Variants in POMZP3 observed in about 807,000 individuals in gnomAD.
POMZP3 encodes the protein POM121 and ZP3 fusion.
POMZP3 carries 10 observed loss-of-function variants against 19.8 expected under a neutral mutation model. That is an observed-to-expected ratio of 0.51 (90% CI 0.31 to 0.86). POMZP3 has a LOEUF of 0.86. Among genes scored for constraint, POMZP3 ranks in the 40% least tolerant of loss-of-function variants. The pLI is 0.04. For synonymous variants in POMZP3, 57 were observed against 85.8 expected, an observed-to-expected ratio of 0.66 and a Z score of 1.85; for missense variants, 152 against 228.1, an observed-to-expected ratio of 0.67 and a Z score of 2.15.
At chr7:76,621,393 G>C (rs1374862034) in intron 3 of POMZP3, 1 of 145,244 alleles carries the variant, frequency 6.9e-6, no homozygotes, top group African/African-American at 2.6e-5. Context: ...CTGGGGGCTG[G>C]TTCTACATCA....
intron 3 of POMZP3, among the ~76,000 whole-genome samples, chr7:76,622,306 G>C (rs1343204337): frequency 6.6e-6 from 1 of 150,964 alleles, no homozygotes; most frequent in Non-Finnish European, 1.5e-5. Flanking sequence ...TCTTTCTTGC[G>C]TGAGATCCAA....
rs544270007 is a variant in POMZP3 at position 76,626,193 on chromosome 7, G to T, written c.-129C>A. The T allele has an allele frequency of 5.1e-5, 80 of 1,568,318 alleles. 1 individual carries two copies. Among genetic ancestry groups the T allele is most frequent in the African/African-American group, 3.3e-4 (24 of 73,670 alleles). The stretch of plus-strand genomic sequence containing the variant: ...CGTCTTCGAGGTGTTATTACAAACC[G>T]ATCTGGTAAAGTCCCACGATCCCTG... On this transcript the variant is annotated 5_prime_UTR_variant, in exon 2 of 7. Transcript: ENST00000310842.
chr7:76,626,357 G>A, intron 1 of POMZP3, 142 bp from the exon 2 acceptor site: 1 of 815,734 alleles, frequency 1.2e-6, no homozygotes, highest in Admixed American at 2.8e-5. Flanking sequence ...TGTTTTTATG[G>A]CAACTTTCCC....
Position 76,627,223 on chromosome 7 carries a change from T to C in POMZP3, c.-667A>G, listed in dbSNP as rs1379801781. 2.4e-3 allele frequency: 3,431 copies of C among 1,416,020 alleles called. 89 individuals are homozygous for C. The African/African-American group carries it at 0.043, about 18-fold the overall frequency. The allele number at this position is 1,416,020 out of a possible 1,614,324, so 87.7% of individuals were successfully genotyped here. ...TCGCTATCGGCCGCCGCCGCTCGCC[T>C]GCTCCAGCCGCCGCAGCCGCCGGAG... On this transcript the variant is annotated 5_prime_UTR_variant, in exon 1 of 7. Transcript: ENST00000310842.
At chr7:76,612,627 TC>T (rs1815153341) in intron 4 of POMZP3, among the ~76,000 whole-genome samples, 1 of 70,544 alleles carries the variant, frequency 1.4e-5, no homozygotes, top group African/African-American at 8.3e-5. Flanking sequence ...GTGCCAGCTA[TC>T]CGTGCCTGGC....
In POMZP3 at chr7:76,625,592, C is replaced by T. The variant is rs765617237; in HGVS notation, c.157G>A (p.Glu53Lys). 1 of 1,613,646 alleles carries T rather than the reference C, an allele frequency of 6.2e-7. No individual in the cohort carries two copies. The highest frequency in any genetic ancestry group is 2.2e-5 in the East Asian group (1 of 44,842). ...TCCACTGTCCTTTTCTTCTTCTTCT[C>T]TTTGAGGGCACTCAGTACAGTCTCC... ...AKETVLSALK[E>K]KKKKRTVEEE... The change falls in exon 3 of 7, where the codon GAG (glutamate) becomes AAG (lysine). Residue 53 changes from glutamate to lysine, a missense_variant. By Grantham distance (56) the Glu-to-Lys change is moderately conservative (BLOSUM62 1). Transcript: ENST00000310842.
At chr7:76,624,614 T>C (rs1815758016) in intron 3 of POMZP3, among the ~76,000 whole-genome samples, 1 of 150,312 alleles carries the variant, frequency 6.7e-6, no homozygotes, top group Non-Finnish European at 1.5e-5. Context: ...TCCAGCTAAT[T>C]TTTGTATTTT....
chr7:76,625,487 G>C, intron 3 of POMZP3, 35 bp downstream of exon 3: 1 of 1,604,176 alleles, frequency 6.2e-7, no homozygotes, highest in Non-Finnish European at 8.5e-7. Flanking sequence ...GAGTCCAAGC[G>C]GGAAACTGGC....
chr7:76,610,480 C>G (rs1390377855), intron 6 of POMZP3, among the ~76,000 whole-genome samples: 3 of 151,752 alleles, frequency 2.0e-5, no homozygotes, highest in Admixed American at 2.0e-4. Flanking sequence ...CGGCAAGACC[C>G]GTCTCTACTG....
At position 76,611,504 on chromosome 7, in the gene POMZP3, A is replaced by C. The variant is rs1815101505; in HGVS notation, c.525T>G (p.Pro175=). ...CGTPSHSRRQ[P]RVVSQWSTSA... ...ACGTGGACCACTGGCTCACGACACG[A>C]GGCTGCCTCCTGGAATGGCTTGGAG... The change falls in exon 6 of 7, where the codon CCT becomes CCG. Residue 175 remains proline (P), a synonymous_variant. Transcript: ENST00000310842. The C allele has an allele frequency of 2.5e-6, 4 of 1,604,866 alleles. No homozygotes were observed. Among genetic ancestry groups the C allele is most frequent in the Non-Finnish European group, 3.4e-6 (4 of 1,172,448 alleles).
chr7:76,622,670 C>G (rs1815635468), intron 3 of POMZP3, among the ~76,000 whole-genome samples: 1 of 150,922 alleles, frequency 6.6e-6, no homozygotes, highest in South Asian at 2.1e-4. Context: ...GGCCCATTCT[C>G]AAGTTTTGTT....
In POMZP3 at chr7:76,626,130, C is replaced by G. The variant is rs369559926; in HGVS notation, c.-66G>C. 553 of 1,611,962 alleles carry G rather than the reference C, an allele frequency of 3.4e-4. 4 individuals carry two copies. In the African/African-American group the frequency reaches 6.8e-3, roughly 20 times the overall value. Reference sequence around the variant, plus strand: ...CCATTCCAGCACACTGTGGGAAGTACCCCCGGACAGGAATACTGGGCCTGA... The same window carrying G: ...CCATTCCAGCACACTGTGGGAAGTAGCCCCGGACAGGAATACTGGGCCTGA... On this transcript the variant is annotated 5_prime_UTR_variant, in exon 2 of 7. Coordinates refer to ENST00000310842, the MANE Select transcript of POMZP3 (RefSeq NM_012230.5).
intron 3 of POMZP3, chr7:76,618,724 C>T (rs149991875): frequency 0.013 from 2,295 of 170,288 alleles, 116 homozygotes; most frequent in East Asian, 0.13. Flanking sequence ...GGCTTACAGA[C>T]GAAGAAAGTT....
At chr7:76,612,910 GGTTTTTTTTTT>G (rs1324481542) in intron 4 of POMZP3, among the ~76,000 whole-genome samples, 1 of 79,926 alleles carries the variant, frequency 1.3e-5, no homozygotes, top group African/African-American at 6.8e-5. Flanking sequence ...AGACTTAAGA[GGTTTTTTTTTT>G]GTTTTTTTTT....
Position 76,626,055 on chromosome 7 carries a change from T to TCCATCCTGGAGTTGCGAGGGG in POMZP3, c.9_10insCCCCTCGCAACTCCAGGATGG (p.Cys3_Ser4insProLeuAlaThrProGlyTrp). On this transcript the variant is annotated inframe_insertion, in exon 2 of 7. Transcript: ENST00000310842. ...GGGGCGATCCTCAGAGTCACTGGGC[T>TCCATCCTGGAGTTGCGAGGGG]ACACACCATCCTGGAGTTGCGAGGG... 1 of 1,613,726 alleles carries TCCATCCTGGAGTTGCGAGGGG rather than the reference T, an allele frequency of 6.2e-7. No homozygotes were observed. Among genetic ancestry groups the TCCATCCTGGAGTTGCGAGGGG allele is most frequent in the African/African-American group, 1.3e-5 (1 of 74,928 alleles).
intron 6 of POMZP3, among the ~76,000 whole-genome samples, 189 bp from the exon 7 acceptor site, chr7:76,610,404 A>G (rs1310127848): frequency 6.6e-6 from 1 of 152,068 alleles, no homozygotes; most frequent in Non-Finnish European, 1.5e-5. Flanking sequence ...TAATCCCAGC[A>G]CTTTTTGGGA....
chr7:76,620,421 C>T (rs1443666093), intron 3 of POMZP3, among the ~76,000 whole-genome samples: 5 of 144,274 alleles, frequency 3.5e-5, no homozygotes, highest in Non-Finnish European at 6.0e-5. Context: ...GGTGAGCACA[C>T]GTACCTTATT....
chr7:76,626,633 C>T, intron 1 of POMZP3, 75 bp downstream of exon 1: 1 of 1,312,518 alleles, frequency 7.6e-7, no homozygotes, highest in South Asian at 1.8e-5. Flanking sequence ...GATGAAAAAG[C>T]AAATCGGATT....
Position 76,610,234 on chromosome 7 carries a change from C to T in POMZP3, c.*12-19G>A, listed in dbSNP as rs371123506. 1 of 1,613,740 alleles carries T rather than the reference C, an allele frequency of 6.2e-7. No homozygotes were observed. The highest frequency in any genetic ancestry group is 1.3e-5 in the African/African-American group (1 of 74,882). On this transcript the variant is annotated intron_variant, in intron 6 of 6. Transcript: ENST00000310842. ...TCTGTCACTGTGAAAGGAGAACACACAACCAAGGGTCATCTTAGTCCCTAA... is the reference window on the plus strand; with the variant it reads ...TCTGTCACTGTGAAAGGAGAACACATAACCAAGGGTCATCTTAGTCCCTAA...
Sources: allele counts gnomAD v4.1 joint callset (sites outside exome capture counted in the v4.1 genomes callset), GRCh38; gene constraint gnomAD v4.1.1; transcripts MANE v1.5; gene names NCBI Gene and HGNC (gene_info 2026-07-23, HGNC 2026-07-21).